Variants in GALNT13 observed in about 807,000 individuals in gnomAD.
GALNT13 encodes the protein UDP-GalNAc:polypeptide N-acetylgalactosaminyltransferase 13.
GALNT13 carries 28 observed loss-of-function variants against 64.2 expected under a neutral mutation model. That is an observed-to-expected ratio of 0.44 (90% CI 0.32 to 0.60). The LOEUF is 0.60. Among genes scored for constraint, GALNT13 ranks in the 20% least tolerant of loss-of-function variants. The pLI is 0.05. For missense variants in GALNT13, 577 were observed against 669.8 expected, an observed-to-expected ratio of 0.86 and a Z score of 1.53; for synonymous variants, 214 against 224.6, an observed-to-expected ratio of 0.95 and a Z score of 0.42.
the GALNT13 span, among the ~76,000 whole-genome samples, chr2:153,726,804 G>A: frequency 6.6e-6 from 1 of 151,962 alleles, no homozygotes; most frequent in Non-Finnish European, 1.5e-5. Flanking sequence ...GCCGGGTGTG[G>A]TGGCGGGCAC....
chr2:153,793,241 G>C, the GALNT13 span, among the ~76,000 whole-genome samples: 1 of 151,686 alleles, frequency 6.6e-6, no homozygotes, highest in Non-Finnish European at 1.5e-5. Context: ...CAAAGCGCTG[G>C]GATTACAGGC....
At chr2:153,248,528 C>A in the GALNT13 span, among the ~76,000 whole-genome samples, 1 of 151,820 alleles carries the variant, frequency 6.6e-6, no homozygotes, top group Admixed American at 6.6e-5. Context: ...ATGTTAAAAA[C>A]CCTCGGCCGG....
At chr2:154,093,047 A>G (rs963125221) in intron 3 of GALNT13, among the ~76,000 whole-genome samples, 1 of 152,032 alleles carries the variant, frequency 6.6e-6, no homozygotes, top group Non-Finnish European at 1.5e-5. Context: ...AAGTACTTGA[A>G]GTGAAATACT....
At chr2:153,626,649 C>G in the GALNT13 span, among the ~76,000 whole-genome samples, 1 of 152,048 alleles carries the variant, frequency 6.6e-6, no homozygotes, top group African/African-American at 2.4e-5. Flanking sequence ...AGTTTAGCAT[C>G]ATCATTGTTG....
the GALNT13 span, among the ~76,000 whole-genome samples, chr2:153,402,798 T>C: frequency 6.6e-6 from 1 of 152,080 alleles, no homozygotes; most frequent in Non-Finnish European, 1.5e-5. Flanking sequence ...TAAGCACTTC[T>C]CTGTATTGGT....
chr2:153,138,597 G>A, the GALNT13 span, among the ~76,000 whole-genome samples: 40 of 152,090 alleles, frequency 2.6e-4, no homozygotes, highest in African/African-American at 9.6e-4. Context: ...AACACCAAAA[G>A]CATCTAATCA....
At chr2:153,088,331 T>G in the GALNT13 span, among the ~76,000 whole-genome samples, 1 of 152,160 alleles carries the variant, frequency 6.6e-6, no homozygotes, top group Non-Finnish European at 1.5e-5. Flanking sequence ...AGAGAGTACT[T>G]GATATAATTT....
At chr2:154,016,508 C>T (rs1344783013) in intron 3 of GALNT13, among the ~76,000 whole-genome samples, 3 of 152,188 alleles carry the variant, frequency 2.0e-5, no homozygotes, top group East Asian at 3.9e-4. Context: ...ACTTCCGCCT[C>T]CCTGGTTCAA....
the GALNT13 span, among the ~76,000 whole-genome samples, chr2:153,088,682 CT>C: frequency 7.2e-5 from 11 of 152,196 alleles, no homozygotes; most frequent in African/African-American, 2.6e-4. Flanking sequence ...TGATTTTTTG[CT>C]GTTGAACTAA....
chr2:153,329,001 G>A, the GALNT13 span, among the ~76,000 whole-genome samples: 1 of 152,072 alleles, frequency 6.6e-6, no homozygotes, highest in Admixed American at 6.5e-5. Context: ...GTAGTATCTG[G>A]GCTGGATAGC....
chr2:153,128,757 C>T, the GALNT13 span, among the ~76,000 whole-genome samples: 1 of 152,160 alleles, frequency 6.6e-6, no homozygotes, highest in Middle Eastern at 3.4e-3. Context: ...TTTAATTGGA[C>T]TTACAGTGCC....
chr2:153,191,672 G>C, the GALNT13 span, among the ~76,000 whole-genome samples: 6 of 150,136 alleles, frequency 4.0e-5, no homozygotes, highest in African/African-American at 1.5e-4. Flanking sequence ...GTAGAAGTTG[G>C]CTGTGAAGCT....
the GALNT13 span, among the ~76,000 whole-genome samples, chr2:153,692,047 G>A: frequency 1.3e-5 from 2 of 152,096 alleles, no homozygotes; most frequent in African/African-American, 4.8e-5. Flanking sequence ...TGCCACATGT[G>A]TATGGAAATG....
chr2:154,136,083 T>A (rs1682933851), intron 3 of GALNT13, among the ~76,000 whole-genome samples: 1 of 152,142 alleles, frequency 6.6e-6, no homozygotes, highest in Admixed American at 6.5e-5. Flanking sequence ...TATTCAAATA[T>A]GAGAGGGACT....
At chr2:153,102,415 T>C in the GALNT13 span, among the ~76,000 whole-genome samples, 2 of 152,196 alleles carry the variant, frequency 1.3e-5, no homozygotes, top group Non-Finnish European at 1.5e-5. Context: ...TTCTGTTAAA[T>C]AATCATTATT....
the GALNT13 span, among the ~76,000 whole-genome samples, chr2:153,804,739 G>A: frequency 1.3e-5 from 2 of 152,036 alleles, no homozygotes; most frequent in African/African-American, 4.8e-5. Flanking sequence ...ATACTTAAGT[G>A]TAATGTAAAA....
At chr2:154,024,621 C>A (rs762311814) in intron 3 of GALNT13, among the ~76,000 whole-genome samples, 11 of 152,028 alleles carry the variant, frequency 7.2e-5, no homozygotes, top group Non-Finnish European at 1.5e-4. Context: ...CTTTTAACTT[C>A]TTTGCCATTG....
At chr2:153,881,995 G>A (rs931199010) in intron 1 of GALNT13, among the ~76,000 whole-genome samples, 4 of 152,054 alleles carry the variant, frequency 2.6e-5, no homozygotes, top group Admixed American at 6.6e-5. Context: ...ACTTTTTAAA[G>A]TATAGCTTCT....
At chr2:154,340,896 ATGAGTG>A (rs1559100259) in intron 9 of GALNT13, among the ~76,000 whole-genome samples, 2 of 60,084 alleles carry the variant, frequency 3.3e-5, no homozygotes, top group African/African-American at 8.4e-5. Flanking sequence ...CTTTGTGTGT[ATGAGTG>A]TGTGTGTGTG....
Sources: allele counts gnomAD v4.1 joint callset (sites outside exome capture counted in the v4.1 genomes callset), GRCh38; gene constraint gnomAD v4.1.1; transcripts MANE v1.5; gene names NCBI Gene and HGNC (gene_info 2026-07-23, HGNC 2026-07-21).